GPALPP1: variants seen among roughly 807,000 people sequenced by gnomAD.
GPALPP1 encodes GPALPP motifs-containing protein 1.
GPALPP1 carries 30 observed loss-of-function variants against 38.9 expected under a neutral mutation model. That is an observed-to-expected ratio of 0.77 (90% confidence interval 0.58 to 1.05). The LOEUF is 1.05. Ranked by LOEUF, GPALPP1 falls within the 50% of genes least tolerant of loss-of-function variation. The probability of loss-of-function intolerance (pLI) is 0.00; values close to 1 mark genes in which losing one functional copy is unlikely to be tolerated. For synonymous variants in GPALPP1, 120 were observed against 139.2 expected (o/e 0.86, Z 0.97); for missense variants, 384 against 408.8 (o/e 0.94, Z 0.52).
In GPALPP1 at chr13:45,024,293, T is replaced by TGTGTGTGTGC. The variant is rs1555257086; in HGVS notation, c.805-3483_805-3482insCGTGTGTGTG. On this transcript the variant is annotated intron_variant, in intron 7 of 7. Coordinates refer to ENST00000379151, the MANE Select transcript of GPALPP1 (RefSeq NM_018559.5). ...GTGTGTGTGTGTGTGTGTGTGTGTG[T>TGTGTGTGTGC]GTGTGTGTGTGTGTGTTTTGAGACT... 2.0e-4 allele frequency among the ~76,000 whole-genome samples: 30 copies of TGTGTGTGTGC among 148,024 alleles called. 1 individual carries two copies. The South Asian group carries it at 2.3e-3, about 11-fold the overall frequency.
In GPALPP1 at chr13:45,015,084, G is replaced by A. The variant is rs768478393; in HGVS notation, c.540+1G>A. On this transcript the variant is annotated splice_donor_variant, in intron 5 of 7. Transcript: ENST00000379151. LOFTEE classifies it high-confidence loss of function. ...AGAAAAACTGACCAAAGGAGATGAT[G>A]TAAGTTTTAAAAACACTTTAAGAAA... The A allele has an allele frequency of 4.0e-5, 64 of 1,584,812 alleles. No homozygotes were observed. The highest frequency in any genetic ancestry group is 5.3e-5 in the Admixed American group (3 of 56,476).
At chr13:45,003,417 G>C in intron 1 of GPALPP1, among the ~76,000 whole-genome samples, 1 of 152,068 alleles carries the variant, frequency 6.6e-6, no homozygotes, top group East Asian at 1.9e-4. Flanking sequence ...AATACTCTTT[G>C]GAAAATCATG....
At position 45,028,085 on chromosome 13, in the gene GPALPP1, C is replaced by A; in HGVS notation, c.*82C>A. The A allele has an allele frequency of 1.5e-6, 1 of 685,724 alleles. No individual in the cohort carries two copies. The highest frequency in any genetic ancestry group is 2.5e-6 in the Non-Finnish European group (1 of 402,086). The allele number at this position is 685,724 out of a possible 1,614,324, so 42.5% of individuals were successfully genotyped here. A position where few individuals can be genotyped will look rare whatever the true frequency, so the allele number is the denominator to read the frequency against. ...TACTCTATTGTCTTTAATAATTGTG[C>A]TGAAATCTATTTCCTTTTATAATAG... On this transcript the variant is annotated 3_prime_UTR_variant, in exon 8 of 8. Transcript: ENST00000379151.
chr13:45,022,685 TA>T (rs1340832041), intron 7 of GPALPP1, among the ~76,000 whole-genome samples: 1 of 152,140 alleles, frequency 6.6e-6, no homozygotes, highest in Non-Finnish European at 1.5e-5. Context: ...ACCAATCAAG[TA>T]GAAGTTTGAC....
At position 45,028,373 on chromosome 13, in the gene GPALPP1, G is replaced by A. The variant is rs1040460080; in HGVS notation, c.*370G>A. On this transcript the variant is annotated 3_prime_UTR_variant, in exon 8 of 8. Coordinates refer to ENST00000379151, the MANE Select transcript of GPALPP1 (RefSeq NM_018559.5). ...TTAAACAAAATCCCAACTAGGAAAT[G>A]TTTGTTGCTTAGAAAGGTCCCCTAT... The A allele has an allele frequency of 6.3e-6, 1 of 158,790 alleles. No individual in the cohort carries two copies. The highest frequency in any genetic ancestry group is 2.4e-5 in the African/African-American group (1 of 41,548). The allele number at this position is 158,790 out of a possible 1,614,324, so 9.8% of individuals were successfully genotyped here. A position where few individuals can be genotyped will look rare whatever the true frequency, so the allele number is the denominator to read the frequency against.
chr13:45,003,363 C>T (rs951163176), intron 1 of GPALPP1, among the ~76,000 whole-genome samples: 1 of 152,168 alleles, frequency 6.6e-6, no homozygotes, highest in African/African-American at 2.4e-5. Context: ...TTTGTAGTAA[C>T]AAATATTACT....
chr13:45,006,891 G>A (rs1299184675), intron 3 of GPALPP1, among the ~76,000 whole-genome samples: 2 of 151,916 alleles, frequency 1.3e-5, no homozygotes, highest in East Asian at 3.9e-4. Flanking sequence ...ATTTATTCCT[G>A]TCTTCTTCCC....
At chr13:45,017,659 G>A (rs1874971236) in intron 6 of GPALPP1, among the ~76,000 whole-genome samples, 1 of 152,104 alleles carries the variant, frequency 6.6e-6, no homozygotes, top group Non-Finnish European at 1.5e-5. Flanking sequence ...CAGATATGTA[G>A]GGAGTCTTCC....
At chr13:45,032,335 A>C (rs1242758272), downstream of GPALPP1, among the ~76,000 whole-genome samples, 1 of 151,542 alleles carries the variant, frequency 6.6e-6, no homozygotes, top group Admixed American at 6.6e-5. Flanking sequence ...CCTTGTTTAG[A>C]TGTAGATCTT....
intron 7 of GPALPP1, among the ~76,000 whole-genome samples, chr13:45,025,870 C>T (rs975730004): frequency 6.6e-6 from 1 of 151,898 alleles, no homozygotes; most frequent in African/African-American, 2.4e-5. Context: ...CTCCTGGGTT[C>T]AGGCGATTCT....
chr13:45,023,934 A>G (rs1875593512), intron 7 of GPALPP1, among the ~76,000 whole-genome samples: 1 of 152,176 alleles, frequency 6.6e-6, no homozygotes, highest in South Asian at 2.1e-4. Context: ...TTAATACCAA[A>G]CTACTAGAAA....
intron 6 of GPALPP1, among the ~76,000 whole-genome samples, chr13:45,019,000 T>A (rs1307269669): frequency 1.2e-5 from 1 of 84,750 alleles, no homozygotes; most frequent in Admixed American, 1.5e-4. Context: ...TAAATATATA[T>A]ACATATAAAT....
intron 6 of GPALPP1, among the ~76,000 whole-genome samples, chr13:45,017,909 G>A (rs1874987266): frequency 6.6e-6 from 1 of 152,132 alleles, no homozygotes; most frequent in African/African-American, 2.4e-5. Context: ...AAACTATATA[G>A]TATCACAGAG....
chr13:45,036,938 CAG>C (rs1381246740), exon 8 of GPALPP1: 3 of 152,014 alleles, frequency 2.0e-5, no homozygotes, highest in African/African-American at 4.8e-5. Flanking sequence ...GCCAGGGAGA[CAG>C]AGAGACCCCA....
At chr13:45,012,543 A>G (rs1874556561) in intron 4 of GPALPP1, among the ~76,000 whole-genome samples, 1 of 152,198 alleles carries the variant, frequency 6.6e-6, no homozygotes, top group South Asian at 2.1e-4. Context: ...TCAAAGGAGT[A>G]GCACAATTCA....
intron 6 of GPALPP1, among the ~76,000 whole-genome samples, chr13:45,020,042 G>T (rs1484027368): frequency 6.6e-6 from 1 of 151,728 alleles, no homozygotes; most frequent in African/African-American, 2.4e-5. Context: ...CCGCCACCAT[G>T]CCCAGCTTTT....
At chr13:45,026,155 CT>C (rs1419433629) in intron 7 of GPALPP1, among the ~76,000 whole-genome samples, 2 of 152,054 alleles carry the variant, frequency 1.3e-5, no homozygotes, top group African/African-American at 4.8e-5. Flanking sequence ...TTGGAAAGCA[CT>C]TGATTTGCTA....
At chr13:45,004,468 C>T (rs557349971) in intron 2 of GPALPP1, 31 bp downstream of exon 2, 2 of 1,552,876 alleles carry the variant, frequency 1.3e-6, no homozygotes, top group East Asian at 2.3e-5. Flanking sequence ...AAATGATAGA[C>T]CAAACTTCAG....
At chr13:44,998,268 G>A (rs376467590) in intron 1 of GPALPP1, among the ~76,000 whole-genome samples, 10 of 152,100 alleles carry the variant, frequency 6.6e-5, no homozygotes, top group Non-Finnish European at 1.5e-4. Context: ...TGTCCTTAGG[G>A]CTGCCTGCCC....
Sources: gnomAD v4.1 joint callset for allele counts (sites outside exome capture counted in the v4.1 genomes callset) on GRCh38, gnomAD v4.1.1 for gene constraint, MANE v1.5 for transcripts, NCBI Gene and HGNC (gene_info 2026-07-23, HGNC 2026-07-21) for gene names.